The following ZNF37A variants were observed in gnomAD, a reference collection of about 807,000 sequenced individuals.
The protein encoded by ZNF37A is zinc finger protein 37a (KOX 21).
In ZNF37A, 10 loss-of-function variants were observed where a neutral mutation model predicts 12.3. The ratio of observed to expected loss-of-function variants is 0.82; its 90% CI spans 0.50 to 1.38. The LOEUF (loss-of-function observed/expected upper bound fraction) is 1.38. Ranked by LOEUF, ZNF37A falls within the 40% of genes most tolerant of loss-of-function variation. ZNF37A has a pLI of 0.00. For missense variants in ZNF37A, 580 were observed against 651.2 expected, an observed-to-expected ratio of 0.89 and a Z score of 1.19; for synonymous variants, 207 against 223.0, an observed-to-expected ratio of 0.93 and a Z score of 0.64.
At chr10:38,101,074 A>G (rs1036456544) in intron 5 of ZNF37A, among the ~76,000 whole-genome samples, 1 of 152,056 alleles carries the variant, frequency 6.6e-6, no homozygotes, top group Admixed American at 6.6e-5. Context: ...GTTATTTTTT[A>G]TATTAATTCC....
chr10:38,117,427 G>T lies in ZNF37A; in HGVS notation c.276G>T (p.Lys92Asn), dbSNP rs980273088. 6.3e-7 allele frequency: 1 copy of T among 1,590,792 alleles called. No homozygotes were observed. Among genetic ancestry groups the T allele is most frequent in the Non-Finnish European group, 8.5e-7 (1 of 1,173,108 alleles). Residue 92 changes from lysine to asparagine, a missense_variant, in exon 8 of 8, where the codon AAG becomes AAT. Transcript: ENST00000685332. Reference sequence around the variant, plus strand: ...CCAGTAGAAACTATTCAATAATGAAGTTCAATGAGTTTAACAAAGGTGGAA... The same window carrying T: ...CCAGTAGAAACTATTCAATAATGAATTTCAATGAGTTTAACAAAGGTGGAA... ...INTSRNYSIM[K>N]FNEFNKGGKC...
intron 7 of ZNF37A, among the ~76,000 whole-genome samples, chr10:38,135,124 T>G (rs747742267): frequency 3.9e-5 from 6 of 152,190 alleles, no homozygotes; most frequent in Admixed American, 1.3e-4. Context: ...CAGTGGCTCA[T>G]GCCTATAATC....
At chr10:38,143,778 G>A (rs71491244) in intron 7 of ZNF37A, 1 of 152,238 alleles carries the variant, frequency 6.6e-6, no homozygotes, top group Non-Finnish European at 1.5e-5. Context: ...TGTCCGCAGA[G>A]TGTGGCCAGT....
chr10:38,101,378 A>G (rs1208808401), intron 5 of ZNF37A, among the ~76,000 whole-genome samples: 2 of 147,786 alleles, frequency 1.4e-5, no homozygotes, highest in African/African-American at 5.0e-5. Flanking sequence ...TTTGTTTTTC[A>G]TGTGGCTATC....
At chr10:38,111,862 T>C (rs1237615865) in intron 5 of ZNF37A, among the ~76,000 whole-genome samples, 2 of 152,078 alleles carry the variant, frequency 1.3e-5, no homozygotes, top group African/African-American at 4.8e-5. Context: ...CTTTCAGCAC[T>C]TTGAATATAT....
intron 5 of ZNF37A, 117 bp downstream of exon 5, chr10:38,096,749 C>A: frequency 1.1e-6 from 1 of 909,626 alleles, no homozygotes; most frequent in South Asian, 1.8e-5. Context: ...GGAGAGGTCA[C>A]ATTACATTTC....
intron 5 of ZNF37A, among the ~76,000 whole-genome samples, chr10:38,108,203 A>G (rs1295482901): frequency 1.3e-5 from 2 of 152,234 alleles, no homozygotes; most frequent in African/African-American, 4.8e-5. Context: ...AACTCACTCA[A>G]AACTGCACAA....
chr10:38,117,289 A>T (rs1415871201), intron 7 of ZNF37A, 101 bp from the exon 8 acceptor site: 71 of 1,494,956 alleles, frequency 4.7e-5, no homozygotes, highest in Non-Finnish European at 6.1e-5. Flanking sequence ...AGGTATGAGG[A>T]GATAATGGCC....
rs2069890814 is a variant in ZNF37A, at chr10:38,124,587, C to T, written c.*5750C>T. ...GATATATACACCTAGTATGTACCCA[C>T]AAAAATTAAAAATAAAGTAAAATTT... On this transcript the variant is annotated 3_prime_UTR_variant, in exon 8 of 8. Coordinates refer to ENST00000685332, the MANE Select transcript of ZNF37A (RefSeq NM_001324250.3). The T allele has an allele frequency of 6.6e-6, 1 of 152,020 alleles. No individual in the cohort carries two copies. The highest frequency in any genetic ancestry group is 2.1e-4 in the South Asian group (1 of 4,822). The allele number at this position is 152,020 out of a possible 1,614,324, so 9.4% of individuals were successfully genotyped here. A position where few individuals can be genotyped will look rare whatever the true frequency, so the allele number is the denominator to read the frequency against.
At chr10:38,117,092 G>C (rs1291058330) in intron 7 of ZNF37A, 3 of 814,700 alleles carry the variant, frequency 3.7e-6, no homozygotes, top group African/African-American at 1.9e-5. Flanking sequence ...CTGGATGACA[G>C]AGCAAGACTC....
At position 38,117,450 on chromosome 10, in the gene ZNF37A, GA is replaced by G. The variant is rs758043033; in HGVS notation, c.303del (p.Lys101AsnfsTer10). 3.9e-5 allele frequency: 62 copies of G among 1,603,746 alleles called. No individual in the cohort carries two copies. The highest frequency in any genetic ancestry group is 4.8e-5 in the Non-Finnish European group (56 of 1,177,404). On this transcript the variant is annotated frameshift_variant, in exon 8 of 8. Transcript: ENST00000685332. LOFTEE classifies it low-confidence loss of function (END_TRUNC). ...AAGTTCAATGAGTTTAACAAAGGTGGAAAATGTTTCTGTGATGAAAAGCATG... is the reference window on the plus strand; with the variant it reads ...AAGTTCAATGAGTTTAACAAAGGTGGAAATGTTTCTGTGATGAAAAGCATG... The part of the protein sequence containing the change: ...IMKFNEFNKG[G>X]KCFCDEKHEI...
intron 5 of ZNF37A, among the ~76,000 whole-genome samples, chr10:38,106,509 A>G (rs959035702): frequency 7.9e-5 from 12 of 152,166 alleles, no homozygotes; most frequent in Admixed American, 1.3e-4. Context: ...GAGTTTGACA[A>G]ATTGTCAGAA....
intron 7 of ZNF37A, among the ~76,000 whole-genome samples, chr10:38,144,738 A>G (rs182588830): frequency 3.3e-5 from 5 of 152,238 alleles, no homozygotes; most frequent in Admixed American, 1.3e-4. Flanking sequence ...AAAAAATTCA[A>G]TAATCTCATA....
At chr10:38,111,880 G>C (rs2068689215) in intron 5 of ZNF37A, among the ~76,000 whole-genome samples, 1 of 151,336 alleles carries the variant, frequency 6.6e-6, no homozygotes. Flanking sequence ...TATCAGTCCA[G>C]TGCCTTCTAA....
intron 7 of ZNF37A, among the ~76,000 whole-genome samples, chr10:38,131,462 A>G (rs1590941839): frequency 6.6e-6 from 1 of 152,120 alleles, no homozygotes; most frequent in African/African-American, 2.4e-5. Flanking sequence ...TTTCTATTGA[A>G]TGGCCTCTGC....
At chr10:38,135,056 A>T (rs2070089526) in intron 7 of ZNF37A, among the ~76,000 whole-genome samples, 1 of 152,240 alleles carries the variant, frequency 6.6e-6, no homozygotes, top group African/African-American at 2.4e-5. Flanking sequence ...AGTTATAACA[A>T]TATAATTTGA....
chr10:38,145,238 C>T (rs2070236534), intron 7 of ZNF37A, among the ~76,000 whole-genome samples: 1 of 152,116 alleles, frequency 6.6e-6, no homozygotes, highest in Admixed American at 6.5e-5. Context: ...CAGAATGCCA[C>T]AAATTCTACG....
At position 38,136,071 on chromosome 10, in the gene ZNF37A, C is replaced by T. The variant is rs573663772; in HGVS notation, c.239-10661C>T. On this transcript the variant is annotated intron_variant, in intron 7 of 7. Coordinates refer to the ZNF37A transcript ENST00000638053. Reference sequence around the variant, plus strand: ...CTTTAAAAACTTTTTTTGAGAGTGTCTTCATTTATATCTCATTCATGAGGT... The same window carrying T: ...CTTTAAAAACTTTTTTTGAGAGTGTTTTCATTTATATCTCATTCATGAGGT... Among the ~76,000 whole-genome samples, 302 of 152,214 alleles carry T rather than the reference C, an allele frequency of 2.0e-3. 1 individual carries two copies. Among genetic ancestry groups the T allele is most frequent in the Middle Eastern group, 0.017 (5 of 294 alleles).
chr10:38,141,752 T>C (rs556629207), intron 7 of ZNF37A: 1 of 152,328 alleles, frequency 6.6e-6, no homozygotes, highest in Non-Finnish European at 1.5e-5. Context: ...CCATCCACAC[T>C]ATCTCTGGAA....
Sources: allele counts gnomAD v4.1 joint callset (sites outside exome capture counted in the v4.1 genomes callset), GRCh38; gene constraint gnomAD v4.1.1; transcripts MANE v1.5; gene names NCBI Gene and HGNC (gene_info 2026-07-23, HGNC 2026-07-21).